Variants in CBLB observed in about 807,000 individuals in gnomAD.
CBLB encodes Cbl proto-oncogene B, also known as E3 ubiquitin-protein ligase CBL-B.
In CBLB, 31 loss-of-function variants were observed where a neutral mutation model predicts 104.9. The ratio of observed to expected loss-of-function variants is 0.30; its 90% CI spans 0.22 to 0.40. The LOEUF is 0.40. Among genes scored for constraint, CBLB ranks in the 10% least tolerant of loss-of-function variants. The pLI, the probability that CBLB is intolerant of heterozygous loss-of-function variation, is 1.00. For missense variants in CBLB, 1,062 were observed against 1,214.6 expected (o/e 0.87, Z 1.87); for synonymous variants, 440 against 422.6 (o/e 1.04, Z -0.51).
chr3:105,686,626 A>G (rs1376698429), intron 13 of CBLB, among the ~76,000 whole-genome samples: 1 of 152,136 alleles, frequency 6.6e-6, no homozygotes, highest in Non-Finnish European at 1.5e-5. Flanking sequence ...CCATTACAAG[A>G]AGGCATTTTG....
rs2063371308 is a variant in CBLB, at chr3:105,656,657, A to G, written c.*2313T>C. ...ATTTCAGGTCCAGGTTTGCTATATC[A>G]TCACTAGTCCTTTTTTAATTCTCAC... On this transcript the variant is annotated 3_prime_UTR_variant, in exon 19 of 19. Coordinates refer to ENST00000394030, the MANE Select transcript of CBLB (RefSeq NM_170662.5). 7.6e-6 allele frequency: 1 copy of G among 131,874 alleles called. No individual in the cohort carries two copies. The highest frequency in any genetic ancestry group is 9.8e-5 in the Admixed American group (1 of 10,164). The allele number at this position is 131,874 out of a possible 1,614,324, so 8.2% of individuals were successfully genotyped here.
intron 5 of CBLB, among the ~76,000 whole-genome samples, chr3:105,746,262 A>T (rs931166687): frequency 6.6e-6 from 1 of 152,234 alleles, no homozygotes; most frequent in South Asian, 2.1e-4. Context: ...TCAGGAAGAG[A>T]ATACAGAGAA....
At chr3:105,771,807 T>C (rs1289088516) in intron 4 of CBLB, among the ~76,000 whole-genome samples, 6 of 151,876 alleles carry the variant, frequency 4.0e-5, no homozygotes, top group African/African-American at 1.5e-4. Flanking sequence ...TAAAATAAAA[T>C]ACTTAGGAAT....
chr3:105,719,127 CCAAA>C (rs2072381250), intron 10 of CBLB, among the ~76,000 whole-genome samples: 1 of 152,140 alleles, frequency 6.6e-6, no homozygotes, highest in East Asian at 1.9e-4. Flanking sequence ...CTCTTAGAAG[CCAAA>C]CAGTGAGACA....
At position 105,727,784 on chromosome 3, in the gene CBLB, G is replaced by A. The variant is rs557777768; in HGVS notation, c.1203+6225C>T. Among the ~76,000 whole-genome samples the A allele has an allele frequency of 5.7e-3, 868 of 152,126 alleles. 10 individuals are homozygous for A. The highest frequency in any genetic ancestry group is 0.019 in the African/African-American group (805 of 41,506). The stretch of plus-strand genomic sequence containing the variant: ...ATGGCTAGCCAGTTTTCCCAACACC[G>A]TTTATTAAATAGGGAATCCTTTCCC... On this transcript the variant is annotated intron_variant, in intron 9 of 18. Transcript: ENST00000394030.
rs1172054946 is a variant in CBLB, at chr3:105,751,474, G to A, written c.711C>T (p.Thr237=). Residue 237 remains threonine, a synonymous_variant, in exon 5 of 19, where the codon ACC becomes ACT. Coordinates refer to ENST00000394030, the MANE Select transcript of CBLB (RefSeq NM_170662.5). The part of the protein sequence containing the change: ...YISVFEFDIF[T]RLFQPWGSIL... ...AGTATAAACTTACCTGAAACAGCCT[G>A]GTAAAAATATCAAATTCAAAAACTG... 1.2e-6 allele frequency: 2 copies of A among 1,608,500 alleles called. No individual in the cohort carries two copies. Among genetic ancestry groups the A allele is most frequent in the East Asian group, 2.2e-5 (1 of 44,802 alleles).
chr3:105,723,903 G>A (rs1212628445), intron 9 of CBLB: 1 of 154,146 alleles, frequency 6.5e-6, no homozygotes, highest in Non-Finnish European at 1.4e-5. Flanking sequence ...ATACATCAAG[G>A]GCTGTAGGGT....
chr3:105,868,524 G>C (rs933178252), intron 1 of CBLB: 1 of 327,342 alleles, frequency 3.1e-6, no homozygotes, highest in Non-Finnish European at 5.3e-6. Context: ...GCCTGCTGCA[G>C]TCCTCACCGC....
In CBLB at chr3:105,778,127, G is replaced by T. The variant is rs570422478; in HGVS notation, c.420-1585C>A. Among the ~76,000 whole-genome samples the T allele has an allele frequency of 9.5e-4, 145 of 152,080 alleles. 1 individual carries two copies. Among genetic ancestry groups the T allele is most frequent in the African/African-American group, 3.1e-3 (129 of 41,500 alleles). On this transcript the variant is annotated intron_variant, in intron 3 of 18. Coordinates refer to ENST00000394030, the MANE Select transcript of CBLB (RefSeq NM_170662.5). ...AGAGAGAGAGAGAGTGTGTGTGTGT[G>T]CATGTGTGTGTATGTGTGTGTGTTG...
intron 10 of CBLB, among the ~76,000 whole-genome samples, chr3:105,707,085 G>T (rs1251604913): frequency 6.6e-6 from 1 of 152,182 alleles, no homozygotes; most frequent in African/African-American, 2.4e-5. Context: ...GATTTCAGAT[G>T]TGTTGAAGAG....
intron 9 of CBLB, among the ~76,000 whole-genome samples, chr3:105,723,137 G>T (rs1327398704): frequency 6.6e-6 from 1 of 152,126 alleles, no homozygotes; most frequent in Non-Finnish European, 1.5e-5. Context: ...ATGCAAATTA[G>T]ACGTCTAACC....
At chr3:105,863,641 T>C (rs753606789) in intron 2 of CBLB, among the ~76,000 whole-genome samples, 2 of 152,190 alleles carry the variant, frequency 1.3e-5, no homozygotes, top group Non-Finnish European at 2.9e-5. Context: ...CTTTAAAATA[T>C]ATTATGATCA....
rs9681712 is a variant in CBLB, at chr3:105,671,830, T to C, written c.2570-1478A>G. 1,578 of 193,940 alleles carry C rather than the reference T, an allele frequency of 8.1e-3. 43 individuals are homozygous for C. Among genetic ancestry groups the C allele is most frequent in the African/African-American group, 0.035 (1,495 of 43,258 alleles). 12.0% of individuals were successfully genotyped at this position (193,940 alleles called of 1,614,324 possible). ...ATTAATTTCAAGATTAAAATAACTC[T>C]TAGATTTTGAGTTTTCAATATTTGA... On this transcript the variant is annotated intron_variant, in intron 17 of 18. Coordinates refer to ENST00000394030, the MANE Select transcript of CBLB (RefSeq NM_170662.5).
At chr3:105,867,926 T>C (rs1220356956) in intron 1 of CBLB, among the ~76,000 whole-genome samples, 2 of 150,590 alleles carry the variant, frequency 1.3e-5, no homozygotes, top group East Asian at 1.9e-4. Flanking sequence ...TTCCCCCACC[T>C]AGATAAAAAC....
intron 2 of CBLB, among the ~76,000 whole-genome samples, chr3:105,858,067 G>A (rs3996189): frequency 0.66 from 100,768 of 152,058 alleles, 34,608 homozygotes; most frequent in Middle Eastern, 0.79. Context: ...TCAGAGCATA[G>A]GAAGGAAGGC....
At chr3:105,784,980 G>C (rs565198144) in intron 3 of CBLB, among the ~76,000 whole-genome samples, 18 of 152,206 alleles carry the variant, frequency 1.2e-4, no homozygotes, top group African/African-American at 3.4e-4. Flanking sequence ...CCAGCTTTAC[G>C]TCAAAATACC....
chr3:105,691,707 A>T (rs1009515942), intron 13 of CBLB, among the ~76,000 whole-genome samples: 3 of 152,208 alleles, frequency 2.0e-5, no homozygotes, highest in Non-Finnish European at 2.9e-5. Flanking sequence ...TACTACCCAG[A>T]GTATGTATAA....
chr3:105,740,701 T>C (rs548917274), intron 6 of CBLB, 70 bp from the exon 7 acceptor site: 159 of 1,350,332 alleles, frequency 1.2e-4, no homozygotes, highest in Non-Finnish European at 1.3e-4. Flanking sequence ...ATTTGTTAGG[T>C]TTCTTCCAAG....
intron 17 of CBLB, chr3:105,672,921 G>C (rs1358112656): frequency 6.6e-6 from 1 of 151,564 alleles, no homozygotes; most frequent in East Asian, 1.9e-4. Context: ...CTGGAAAATG[G>C]TTATAAATAG....
Sources: allele counts gnomAD v4.1 joint callset (sites outside exome capture counted in the v4.1 genomes callset), GRCh38; gene constraint gnomAD v4.1.1; transcripts MANE v1.5; gene names NCBI Gene and HGNC (gene_info 2026-07-23, HGNC 2026-07-21).